Variants in BRCA2 observed in about 807,000 individuals in gnomAD.
The protein encoded by BRCA2 is BRCA2 DNA repair associated.
In BRCA2, 203 loss-of-function variants were observed where a neutral mutation model predicts 276.7. The ratio of observed to expected loss-of-function variants is 0.73; its 90% CI spans 0.65 to 0.82. The LOEUF is 0.82. BRCA2 is among the 40% of genes least tolerant of loss of function. BRCA2 has a pLI of 0.00. For synonymous variants in BRCA2, 1,289 were observed against 1,338.4 expected, an observed-to-expected ratio of 0.96 and a Z score of 0.81; for missense variants, 3,920 against 3,915.0, an observed-to-expected ratio of 1.00 and a Z score of -0.03.
At chr13:32,368,121 G>A (rs1251501702) in intron 18 of BRCA2, among the ~76,000 whole-genome samples, 2 of 134,702 alleles carry the variant, frequency 1.5e-5, no homozygotes, top group African/African-American at 5.5e-5. Flanking sequence ...CTGGATTCAA[G>A]CGATTCTCCT....
chr13:32,387,488 G>A (rs2072968292), intron 24 of BRCA2, among the ~76,000 whole-genome samples: 1 of 152,130 alleles, frequency 6.6e-6, no homozygotes, highest in Non-Finnish European at 1.5e-5. Flanking sequence ...GCAGTGTCTG[G>A]GAAGACACCC....
chr13:32,326,695 A>G (rs1566219490), intron 7 of BRCA2, 82 bp downstream of exon 7: 1 of 1,046,406 alleles, frequency 9.6e-7, no homozygotes, highest in East Asian at 2.4e-5. Flanking sequence ...TTAAAAGGAA[A>G]TATGAAAAGA....
At position 32,398,243 on chromosome 13, in the gene BRCA2, G is replaced by T. The variant is rs11571831; in HGVS notation, c.9730G>T (p.Val3244Phe). The change falls in exon 27 of 27, where the codon GTC becomes TTC. Residue 3244 changes from valine to phenylalanine, a missense_variant. Transcript: ENST00000380152. ...CAAAAGGAAGTCTGTTTCCACACCTGTCTCAGCCCAGATGACTTCAAAGTC... is the reference window on the plus strand; with the variant it reads ...CAAAAGGAAGTCTGTTTCCACACCTTTCTCAGCCCAGATGACTTCAAAGTC... ...MAKRKSVSTP[V>F]SAQMTSKSCK... is the part of the protein sequence containing the mutation. 1.2e-6 allele frequency: 2 copies of T among 1,614,000 alleles called. No individual in the cohort carries two copies. Among genetic ancestry groups the T allele is most frequent in the East Asian group, 4.5e-5 (2 of 44,886 alleles).
At position 32,356,476 on chromosome 13, in the gene BRCA2, T is replaced by C. The variant is rs80358974; in HGVS notation, c.7484T>C (p.Ile2495Thr). 39 of 1,614,086 alleles carry C rather than the reference T, an allele frequency of 2.4e-5. No homozygotes were observed. Among genetic ancestry groups the C allele is most frequent in the Non-Finnish European group, 3.1e-5 (37 of 1,180,004 alleles). The stretch of plus-strand genomic sequence containing the variant: ...GCCAGAGATATACAGGATATGCGAA[T>C]TAAGAAGAAACAAAGGCAACGCGTC... ...QNARDIQDMR[I>T]KKKQRQRVFP... is the part of the protein sequence containing the mutation. The change falls in exon 15 of 27, where the codon ATT becomes ACT. Residue 2495 changes from isoleucine (I) to threonine (T), a missense_variant. Transcript: ENST00000380152.
At position 32,326,271 on chromosome 13, in the gene BRCA2, A is replaced by G. The variant is rs41293467; in HGVS notation, c.505A>G (p.Lys169Glu). The change falls in exon 6 of 27, where the codon AAG (lysine) becomes GAG (glutamate). Residue 169 changes from lysine (K) to glutamate (E), a missense_variant. This residue lies in a region of BRCA2 where 3,263 missense variants were observed against 3,156.9 expected (regional missense o/e 1.03). Coordinates refer to ENST00000380152, the MANE Select transcript of BRCA2 (RefSeq NM_000059.4). ...ATGTGGGAGTTTGTTTCATACACCAAAGTTTGTGAAGGTAAATATTCTACC... is the reference window on the plus strand; with the variant it reads ...ATGTGGGAGTTTGTTTCATACACCAGAGTTTGTGAAGGTAAATATTCTACC... ...VVCGSLFHTP[K>E]FVKGRQTPKH... 6.2e-7 allele frequency: 1 copy of G among 1,613,152 alleles called. No homozygotes were observed. The highest frequency in any genetic ancestry group is 8.5e-7 in the Non-Finnish European group (1 of 1,179,260).
At position 32,336,852 on chromosome 13, in the gene BRCA2, C is replaced by CTGT; in HGVS notation, c.2500_2502dup (p.Leu834dup). 6.2e-7 allele frequency: 1 copy of CTGT among 1,606,768 alleles called. No individual in the cohort carries two copies. Among genetic ancestry groups the CTGT allele is most frequent in the Non-Finnish European group, 8.5e-7 (1 of 1,178,318 alleles). ...AAATGAAAATTATAAAAACGTTGAG[C>CTGT]TGTTGCCACCTGAAAAATACATGAG... On this transcript the variant is annotated inframe_insertion, in exon 11 of 27. Coordinates refer to ENST00000380152, the MANE Select transcript of BRCA2 (RefSeq NM_000059.4).
chr13:32,362,845 C>G, intron 17 of BRCA2, 152 bp downstream of exon 17: 1 of 863,870 alleles, frequency 1.2e-6, no homozygotes, highest in Non-Finnish European at 1.8e-6. Context: ...TCCCTAGCCC[C>G]CATTTAAGAG....
rs59004709 is a variant in BRCA2 at position 32,379,467 on chromosome 13, G to C, written c.8905G>C (p.Val2969Leu). ...EQGLSRDVTT[V>L]WKLRIVSYSK... ...AGGTTTATCAAGGGATGTCACAACC[G>C]TGTGGAAGTTGCGTATTGTAAGCTA... The change falls in exon 22 of 27, where the codon GTG (valine) becomes CTG (leucine). Residue 2969 changes from valine to leucine, a missense_variant. Val to Leu is a conservative substitution (Grantham distance 32, BLOSUM62 1). Coordinates refer to ENST00000380152, the MANE Select transcript of BRCA2 (RefSeq NM_000059.4). The C allele has an allele frequency of 6.2e-7, 1 of 1,613,290 alleles. No individual in the cohort carries two copies.
Position 32,339,051 on chromosome 13 carries a change from A to G in BRCA2, c.4696A>G (p.Thr1566Ala), listed in dbSNP as rs1555283904. The G allele has an allele frequency of 3.1e-6, 5 of 1,614,008 alleles. No individual in the cohort carries two copies. The highest frequency in any genetic ancestry group is 3.4e-6 in the Non-Finnish European group (4 of 1,179,944). The change falls in exon 11 of 27, where the codon ACC (threonine) becomes GCC (alanine). Residue 1566 changes from threonine to alanine, a missense_variant. Physicochemically the swap from Thr to Ala is moderately conservative, Grantham distance 58. Coordinates refer to ENST00000380152, the MANE Select transcript of BRCA2 (RefSeq NM_000059.4). ...ITSFSHQWAK[T>A]LKYREACKDL... The stretch of plus-strand genomic sequence containing the variant: ...CAGTTTTAGCCATCAATGGGCAAAG[A>G]CCCTAAAGTACAGAGAGGCCTGTAA...
intron 10 of BRCA2, 126 bp downstream of exon 10, chr13:32,333,513 C>A: frequency 1.9e-6 from 2 of 1,080,948 alleles, no homozygotes; most frequent in Non-Finnish European, 2.7e-6. Flanking sequence ...CATCTGTATA[C>A]ATGATTGTTT....
intron 16 of BRCA2, 77 bp from the exon 17 acceptor site, chr13:32,362,446 A>C: frequency 4.4e-6 from 6 of 1,361,550 alleles, no homozygotes; most frequent in Non-Finnish European, 5.2e-6. Context: ...GTTTTTGTAC[A>C]GAGAATAGTT....
chr13:32,354,693 T>C (rs1460290164), intron 13 of BRCA2, among the ~76,000 whole-genome samples, 168 bp from the exon 14 acceptor site: 1 of 152,206 alleles, frequency 6.6e-6, no homozygotes, highest in African/African-American at 2.4e-5. Flanking sequence ...AGTCAAAGGC[T>C]AGCCTTGAAA....
intron 18 of BRCA2, among the ~76,000 whole-genome samples, chr13:32,363,788 A>G (rs1481547618): frequency 6.6e-6 from 1 of 152,218 alleles, no homozygotes; most frequent in Non-Finnish European, 1.5e-5. Context: ...TGATTTTGGT[A>G]TCTGTAGCTT....
intron 3 of BRCA2, 145 bp from the exon 4 acceptor site, chr13:32,324,931 G>A: frequency 1.6e-6 from 1 of 633,210 alleles, no homozygotes; most frequent in Non-Finnish European, 2.8e-6. Flanking sequence ...GGGGTAATCA[G>A]CAAACTGAAA....
chr13:32,321,223 C>G (rs1413660798), intron 3 of BRCA2, among the ~76,000 whole-genome samples: 1 of 152,190 alleles, frequency 6.6e-6, no homozygotes, highest in East Asian at 1.9e-4. Flanking sequence ...GGGAGTCATC[C>G]ATTCTGCAAA....
chr13:32,338,289 A>G lies in BRCA2; in HGVS notation c.3934A>G (p.Asn1312Asp). The G allele has an allele frequency of 6.4e-7, 1 of 1,574,368 alleles. No homozygotes were observed. Among genetic ancestry groups the G allele is most frequent in the Non-Finnish European group, 8.6e-7 (1 of 1,162,568 alleles). ...CACTTTTGTTGAAGAAATTACTGAA[A>G]ATTACAAGAGAAATACTGAAAATGA... The part of the protein sequence containing the change: ...TGTFVEEITE[N>D]YKRNTENEDN... Residue 1312 changes from asparagine to aspartate, a missense_variant, in exon 11 of 27, where the codon AAT becomes GAT. Around this residue, in one of 2 missense-constraint regions of BRCA2, gnomAD observed 3,263 missense variants for 3,156.9 expected, o/e 1.03. Transcript: ENST00000380152.
chr13:32,320,539 C>T (rs1358738277), intron 3 of BRCA2, among the ~76,000 whole-genome samples: 4 of 152,194 alleles, frequency 2.6e-5, no homozygotes, highest in East Asian at 1.9e-4. Context: ...AGCTAATTTG[C>T]GTGCTCGTCT....
At chr13:32,374,449 G>A (rs1274458434) in intron 20 of BRCA2, among the ~76,000 whole-genome samples, 1 of 152,148 alleles carries the variant, frequency 6.6e-6, no homozygotes. Flanking sequence ...TTGTGAACAT[G>A]TATGACTGTG....
At chr13:32,336,156 C>A in intron 10 of BRCA2, 109 bp from the exon 11 acceptor site, 1 of 1,249,298 alleles carries the variant, frequency 8.0e-7, no homozygotes, top group Non-Finnish European at 1.1e-6. Flanking sequence ...GCTGAGATTA[C>A]AGGCATGAGC....
Sources: gnomAD v4.1 joint callset for allele counts (sites outside exome capture counted in the v4.1 genomes callset) on GRCh38, gnomAD v4.1.1 for gene constraint, gnomAD v4.1.1 regional missense constraint, MANE v1.5 for transcripts, NCBI Gene and HGNC (gene_info 2026-07-23, HGNC 2026-07-21) for gene names.